CTNNA3: variants seen among roughly 807,000 people sequenced by gnomAD.
CTNNA3 encodes the protein catenin alpha-3.
Under a neutral mutation model 95.7 loss-of-function variants are expected in CTNNA3, and 76 were observed. The observed-to-expected ratio is 0.79, with a 90% CI of 0.66 to 0.96. The LOEUF (loss-of-function observed/expected upper bound fraction) is 0.96. Ranked by LOEUF, CTNNA3 falls within the 40% of genes least tolerant of loss-of-function variation. CTNNA3 has a pLI of 0.00. For missense variants in CTNNA3, 1,191 were observed against 1,089.8 expected, an observed-to-expected ratio of 1.09 and a Z score of -1.31; for synonymous variants, 431 against 374.4, an observed-to-expected ratio of 1.15 and a Z score of -1.74.
rs548157476 is a variant in CTNNA3, at chr10:67,128,841, G to T, written c.1047+51476C>A. 1.7e-4 allele frequency among the ~76,000 whole-genome samples: 25 copies of T among 151,488 alleles called. No individual in the cohort carries two copies. In the East Asian group the frequency reaches 4.6e-3, roughly 28 times the overall value. ...ATTTAAGACTTTTTAAAAAGTAAAA[G>T]AAAAAAATACAATTCCTCATTTAAT... On this transcript the variant is annotated intron_variant, in intron 7 of 17. Coordinates refer to ENST00000433211, the MANE Select transcript of CTNNA3 (RefSeq NM_013266.4).
At chr10:67,525,787 T>A (rs1840122103) in intron 4 of CTNNA3, among the ~76,000 whole-genome samples, 2 of 152,204 alleles carry the variant, frequency 1.3e-5, no homozygotes, top group Admixed American at 1.3e-4. Flanking sequence ...GCCTACTAAT[T>A]CCCATAATTT....
At chr10:67,295,339 A>G (rs1470584041) in intron 5 of CTNNA3, among the ~76,000 whole-genome samples, 2 of 152,268 alleles carry the variant, frequency 1.3e-5, no homozygotes, top group Admixed American at 1.3e-4. Flanking sequence ...CAGATAGATC[A>G]TAAATTGTAA....
intron 5 of CTNNA3, among the ~76,000 whole-genome samples, chr10:67,490,683 A>T (rs1189401925): frequency 6.6e-6 from 1 of 152,168 alleles, no homozygotes; most frequent in African/African-American, 2.4e-5. Flanking sequence ...ATAAAGAGAA[A>T]TTCTACTCTC....
chr10:67,168,184 A>G (rs1318996297), intron 7 of CTNNA3, among the ~76,000 whole-genome samples: 1 of 152,120 alleles, frequency 6.6e-6, no homozygotes, highest in East Asian at 1.9e-4. Context: ...ATGTAGCCAA[A>G]TTCTATTAAT....
chr10:66,541,735 A>T (rs1168480056), intron 10 of CTNNA3, among the ~76,000 whole-genome samples: 1 of 152,118 alleles, frequency 6.6e-6, no homozygotes, highest in Non-Finnish European at 1.5e-5. Flanking sequence ...CACTTACCCC[A>T]AGAGAGAAGT....
chr10:66,724,428 A>C (rs909831042), intron 9 of CTNNA3, among the ~76,000 whole-genome samples: 3 of 152,178 alleles, frequency 2.0e-5, no homozygotes, highest in Admixed American at 6.5e-5. Context: ...TGAACTAATA[A>C]AGAGGAACAG....
At chr10:67,229,188 C>T (rs1001576076) in intron 5 of CTNNA3, among the ~76,000 whole-genome samples, 1 of 152,092 alleles carries the variant, frequency 6.6e-6, no homozygotes, top group African/African-American at 2.4e-5. Context: ...AAATGTGATA[C>T]ACCACATAAA....
At chr10:66,475,907 T>G (rs1463426795) in intron 11 of CTNNA3, among the ~76,000 whole-genome samples, 1 of 152,118 alleles carries the variant, frequency 6.6e-6, no homozygotes, top group African/African-American at 2.4e-5. Flanking sequence ...TAAAGACACA[T>G]GCATGCATAT....
chr10:66,366,583 T>C (rs988431296), intron 12 of CTNNA3, among the ~76,000 whole-genome samples: 2 of 152,124 alleles, frequency 1.3e-5, no homozygotes, highest in African/African-American at 2.4e-5. Flanking sequence ...ACACATCATC[T>C]ATGAGGGATG....
At chr10:67,512,629 A>G (rs1453104910) in intron 5 of CTNNA3, among the ~76,000 whole-genome samples, 1 of 152,166 alleles carries the variant, frequency 6.6e-6, no homozygotes, top group Non-Finnish European at 1.5e-5. Context: ...TGGCTGAACC[A>G]GATGATGCTT....
intron 5 of CTNNA3, among the ~76,000 whole-genome samples, chr10:67,246,084 G>A (rs1865894928): frequency 6.6e-6 from 1 of 152,166 alleles, no homozygotes; most frequent in Non-Finnish European, 1.5e-5. Flanking sequence ...CACAATGGCT[G>A]CTGTTGAAAG....
At chr10:66,779,222 TG>T (rs1043809632) in intron 7 of CTNNA3, among the ~76,000 whole-genome samples, 2 of 152,202 alleles carry the variant, frequency 1.3e-5, no homozygotes, top group African/African-American at 2.4e-5. Flanking sequence ...GACACCTTAA[TG>T]GGTCTTTTCT....
At chr10:66,534,030 T>C (rs921677591) in intron 10 of CTNNA3, among the ~76,000 whole-genome samples, 1 of 152,184 alleles carries the variant, frequency 6.6e-6, no homozygotes, top group African/African-American at 2.4e-5. Flanking sequence ...CAAATATCCA[T>C]ATTAAGCTAT....
chr10:67,460,705 A>T (rs1187585569), intron 5 of CTNNA3, among the ~76,000 whole-genome samples: 1 of 152,104 alleles, frequency 6.6e-6, no homozygotes, highest in Non-Finnish European at 1.5e-5. Flanking sequence ...GATTACAGGG[A>T]GTAGGAAAAA....
intron 16 of CTNNA3, among the ~76,000 whole-genome samples, chr10:65,982,088 C>A (rs182720460): frequency 7.6e-4 from 114 of 149,592 alleles, no homozygotes; most frequent in Non-Finnish European, 7.2e-4. Flanking sequence ...AAGATCATCA[C>A]AATCTACACA....
At chr10:67,651,358 C>T (rs1369920488) in intron 1 of CTNNA3, among the ~76,000 whole-genome samples, 2 of 152,140 alleles carry the variant, frequency 1.3e-5, no homozygotes, top group Non-Finnish European at 2.9e-5. Flanking sequence ...CTCCTAAATG[C>T]AGAATTTTAT....
chr10:67,073,726 CAG>C (rs1295249572), intron 7 of CTNNA3, among the ~76,000 whole-genome samples: 2 of 151,904 alleles, frequency 1.3e-5, no homozygotes, highest in African/African-American at 2.4e-5. Context: ...AAATCAAAGA[CAG>C]ATAAACAAAA....
intron 10 of CTNNA3, among the ~76,000 whole-genome samples, chr10:66,565,074 A>C (rs1277850085): frequency 6.6e-6 from 1 of 152,182 alleles, no homozygotes; most frequent in East Asian, 1.9e-4. Flanking sequence ...CTGAGTCATA[A>C]AACAATAATT....
At chr10:67,253,983 C>A (rs1182702124) in intron 5 of CTNNA3, among the ~76,000 whole-genome samples, 1 of 152,092 alleles carries the variant, frequency 6.6e-6, no homozygotes, top group East Asian at 1.9e-4. Flanking sequence ...ATTCTAGGTG[C>A]TTTCCCTTCC....
Sources: allele counts gnomAD v4.1 joint callset (sites outside exome capture counted in the v4.1 genomes callset), GRCh38; gene constraint gnomAD v4.1.1; transcripts MANE v1.5; gene names NCBI Gene and HGNC (gene_info 2026-07-23, HGNC 2026-07-21).